Variants in GABRB3 observed in about 807,000 individuals in gnomAD.
The protein encoded by GABRB3 is gamma-aminobutyric acid receptor subunit beta-3.
In GABRB3, 14 loss-of-function variants were observed where a neutral mutation model predicts 52.1. The ratio of observed to expected loss-of-function variants is 0.27; its 90% CI spans 0.18 to 0.42. The LOEUF is 0.42. Ranked by LOEUF, GABRB3 falls within the 10% of genes least tolerant of loss-of-function variation. The pLI, the probability that GABRB3 is intolerant of heterozygous loss-of-function variation, is 1.00. For missense variants in GABRB3, 307 were observed against 609.1 expected (o/e 0.50, Z 5.22); for synonymous variants, 260 against 232.3 (o/e 1.12, Z -1.08).
intron 4 of GABRB3, among the ~76,000 whole-genome samples, chr15:26,607,584 C>T (rs1023921440): frequency 4.2e-5 from 5 of 117,726 alleles, no homozygotes; most frequent in Non-Finnish European, 1.0e-4. Context: ...AAAAAACTCA[C>T]CAAACAAACA....
At chr15:26,773,437 G>A (rs1441950475), upstream of GABRB3, among the ~76,000 whole-genome samples, 1 of 151,320 alleles carries the variant, frequency 6.6e-6, no homozygotes, top group Admixed American at 6.6e-5. Context: ...CCGGGCGAGT[G>A]CGGGGACTGT....
chr15:26,620,377 T>C (rs1892437755), intron 4 of GABRB3, among the ~76,000 whole-genome samples: 2 of 152,186 alleles, frequency 1.3e-5, no homozygotes, highest in Non-Finnish European at 1.5e-5. Flanking sequence ...CCCAGGGATG[T>C]GGATTTAAAT....
chr15:26,600,441 T>C (rs1361755668), intron 4 of GABRB3, among the ~76,000 whole-genome samples: 2 of 151,888 alleles, frequency 1.3e-5, no homozygotes, highest in East Asian at 3.9e-4. Context: ...ATAATCAAAC[T>C]ACCAATTATC....
chr15:26,701,753 T>A (rs1035539961), intron 3 of GABRB3, among the ~76,000 whole-genome samples: 1 of 152,150 alleles, frequency 6.6e-6, no homozygotes, highest in African/African-American at 2.4e-5. Flanking sequence ...ACATGCAAAT[T>A]CAAAGAACCT....
intron 3 of GABRB3, among the ~76,000 whole-genome samples, chr15:26,744,293 A>C (rs1890281431): frequency 6.6e-6 from 1 of 152,222 alleles, no homozygotes; most frequent in South Asian, 2.1e-4. Context: ...CTGTATAAAC[A>C]TTTAACTAAT....
chr15:26,564,179 A>T (rs1234580159), intron 7 of GABRB3, among the ~76,000 whole-genome samples: 1 of 152,126 alleles, frequency 6.6e-6, no homozygotes, highest in Non-Finnish European at 1.5e-5. Context: ...GGGATGCTCA[A>T]ACTAAGTATA....
intron 5 of GABRB3, 93 bp from the exon 6 acceptor site, chr15:26,580,549 T>C (rs1315197598): frequency 6.6e-7 from 1 of 1,519,178 alleles, no homozygotes; most frequent in Non-Finnish European, 9.1e-7. Context: ...GTTGCGGCTC[T>C]GCTATGTTTT....
At chr15:26,747,773 A>G (rs1890386181) in intron 3 of GABRB3, among the ~76,000 whole-genome samples, 1 of 152,176 alleles carries the variant, frequency 6.6e-6, no homozygotes, top group African/African-American at 2.4e-5. Context: ...CTTGTTCACA[A>G]TCGGGGGAAA....
At chr15:26,659,496 T>G (rs1436205363) in intron 3 of GABRB3, among the ~76,000 whole-genome samples, 1 of 152,156 alleles carries the variant, frequency 6.6e-6, no homozygotes, top group African/African-American at 2.4e-5. Flanking sequence ...CACTCCAGCC[T>G]AGGCGACAGA....
intron 5 of GABRB3, among the ~76,000 whole-genome samples, chr15:26,580,876 T>C (rs529832569): frequency 6.6e-6 from 1 of 152,336 alleles, no homozygotes; most frequent in African/African-American, 2.4e-5. Context: ...GAGTTCAAAG[T>C]TCAAATACTG....
At chr15:26,620,107 C>T (rs1042381618) in intron 4 of GABRB3, among the ~76,000 whole-genome samples, 1 of 152,152 alleles carries the variant, frequency 6.6e-6, no homozygotes, top group African/African-American at 2.4e-5. Flanking sequence ...GAACCTGAAC[C>T]TCCGGAGCTT....
intron 4 of GABRB3, among the ~76,000 whole-genome samples, chr15:26,600,236 G>A (rs906466250): frequency 1.6e-4 from 24 of 151,924 alleles, no homozygotes; most frequent in African/African-American, 4.8e-4. Context: ...GAAAGCTTCT[G>A]GGTATCATAG....
intron 3 of GABRB3, among the ~76,000 whole-genome samples, chr15:26,702,025 T>C (rs1888951686): frequency 6.6e-6 from 1 of 152,170 alleles, no homozygotes. Flanking sequence ...TGTATATCCA[T>C]AGGCGAAAAC....
intron 3 of GABRB3, among the ~76,000 whole-genome samples, chr15:26,653,945 A>G (rs573407935): frequency 6.6e-6 from 1 of 152,350 alleles, no homozygotes; most frequent in African/African-American, 2.4e-5. Flanking sequence ...GTACTCAACC[A>G]GATCATGACT....
chr15:26,705,447 A>T (rs1232410009), intron 3 of GABRB3, among the ~76,000 whole-genome samples: 2 of 152,360 alleles, frequency 1.3e-5, no homozygotes, highest in Admixed American at 1.3e-4. Context: ...GGGAGACATA[A>T]ACATAGTCCA....
intron 7 of GABRB3, among the ~76,000 whole-genome samples, chr15:26,563,217 C>T (rs1317217035): frequency 6.6e-6 from 1 of 152,164 alleles, no homozygotes; most frequent in African/African-American, 2.4e-5. Flanking sequence ...GGGCTGAAGG[C>T]ACACAGGAAT....
intron 3 of GABRB3, among the ~76,000 whole-genome samples, chr15:26,681,957 C>CA (rs200633341): frequency 1.4e-3 from 208 of 150,856 alleles, no homozygotes; most frequent in African/African-American, 4.8e-3. Flanking sequence ...GACTCTGTCT[C>CA]AAAAAAAAAT....
intron 3 of GABRB3, among the ~76,000 whole-genome samples, chr15:26,738,047 C>T (rs769292561): frequency 8.6e-5 from 13 of 151,808 alleles, no homozygotes; most frequent in Non-Finnish European, 1.8e-4. Flanking sequence ...GAAGAGTCTT[C>T]GGCTTATGTT....
intron 3 of GABRB3, chr15:26,624,166 T>C (rs1892593121): frequency 2.0e-6 from 2 of 981,530 alleles, no homozygotes; most frequent in South Asian, 9.4e-5. Context: ...AGGATGAGAA[T>C]GCACCTTCAC....
Sources: gnomAD v4.1 joint callset for allele counts (sites outside exome capture counted in the v4.1 genomes callset) on GRCh38, gnomAD v4.1.1 for gene constraint, MANE v1.5 for transcripts, NCBI Gene and HGNC (gene_info 2026-07-23, HGNC 2026-07-21) for gene names.